KIFAP3: variants seen among roughly 807,000 people sequenced by gnomAD.
KIFAP3 encodes kinesin associated protein 3, also known as kinesin-associated protein 3.
KIFAP3 carries 68 observed loss-of-function variants against 106.5 expected under a neutral mutation model. The observed-to-expected ratio is 0.64, with a 90% CI of 0.53 to 0.78. KIFAP3 has a LOEUF of 0.78. Among genes scored for constraint, KIFAP3 ranks in the 30% least tolerant of loss-of-function variants. The pLI, the probability that KIFAP3 is intolerant of heterozygous loss-of-function variation, is 0.00. For missense variants in KIFAP3, 780 were observed against 941.8 expected, an observed-to-expected ratio of 0.83 and a Z score of 2.25; for synonymous variants, 320 against 311.5, an observed-to-expected ratio of 1.03 and a Z score of -0.29.
chr1:169,935,609 AAG>A (rs1663747738), intron 19 of KIFAP3, among the ~76,000 whole-genome samples: 1 of 152,036 alleles, frequency 6.6e-6, no homozygotes, highest in Admixed American at 6.6e-5. Context: ...GTTCCTGTTT[AAG>A]TGTATTCAAA....
chr1:169,988,805 G>A (rs1277254505), intron 11 of KIFAP3, among the ~76,000 whole-genome samples: 1 of 151,924 alleles, frequency 6.6e-6, no homozygotes, highest in African/African-American at 2.4e-5. Context: ...TAAGTTAAAA[G>A]TTATAGGCTG....
intron 16 of KIFAP3, among the ~76,000 whole-genome samples, chr1:169,976,446 G>A (rs1666224797): frequency 6.6e-6 from 1 of 151,182 alleles, no homozygotes; most frequent in Admixed American, 6.6e-5. Flanking sequence ...TTTTCATTAA[G>A]CAGCTGTTAA....
chr1:169,982,061 A>T lies in KIFAP3; in HGVS notation c.1709T>A (p.Ile570Lys). 1.9e-6 allele frequency: 3 copies of T among 1,613,628 alleles called. No individual in the cohort carries two copies. The highest frequency in any genetic ancestry group is 2.5e-6 in the Non-Finnish European group (3 of 1,179,622). The change falls in exon 15 of 20, where the codon ATA (isoleucine) becomes AAA (lysine). Residue 570 changes from isoleucine (I) to lysine (K), a missense_variant. This residue lies in a region of KIFAP3 where 588 missense variants were observed against 678.9 expected (regional missense o/e 0.87). Transcript: ENST00000361580. ...ATCCATGGATACAGTTCCAATCATT[A>T]TAACCACTTCTAAAACAAGATCATC... ...AEDDLVLEVV[I>K]MIGTVSMDDS...
chr1:170,016,624 C>G lies in KIFAP3; in HGVS notation c.1021G>C (p.Val341Leu), dbSNP rs750236927. The G allele has an allele frequency of 1.9e-6, 3 of 1,561,214 alleles. No individual in the cohort carries two copies. In the South Asian group the frequency reaches 3.7e-5, roughly 19 times the overall value. ...SIFMENKNDM[V>L]EMDIVEKLVK... ...AGTTTTTCAACAATATCCATTTCCA[C>G]CTAAGTAAAATAATAATACAAATAC... is the stretch of plus-strand genomic sequence containing the variant. Residue 341 changes from valine (V) to leucine (L), a missense_variant and splice_region_variant, in exon 10 of 20, where the codon GTG (valine) becomes CTG (leucine). This residue lies in a region of KIFAP3 where 588 missense variants were observed against 678.9 expected (regional missense o/e 0.87). Transcript: ENST00000361580.
intron 19 of KIFAP3, among the ~76,000 whole-genome samples, chr1:169,945,053 C>A (rs574202523): frequency 5.9e-5 from 9 of 152,114 alleles, no homozygotes; most frequent in Non-Finnish European, 1.2e-4. Flanking sequence ...GGTGCCCAGG[C>A]AGCCCATACT....
At chr1:169,971,985 C>A (rs1422671214) in intron 17 of KIFAP3, among the ~76,000 whole-genome samples, 2 of 151,956 alleles carry the variant, frequency 1.3e-5, no homozygotes, top group East Asian at 3.9e-4. Flanking sequence ...ACACTTAGAT[C>A]ATCTCTTTGA....
intron 17 of KIFAP3, among the ~76,000 whole-genome samples, chr1:169,969,671 G>A (rs1342024563): frequency 1.3e-5 from 2 of 151,960 alleles, no homozygotes; most frequent in African/African-American, 4.8e-5. Flanking sequence ...TGGCTAGAAA[G>A]ATGACAGAAA....
chr1:169,982,165 A>G, intron 14 of KIFAP3, 68 bp from the exon 15 acceptor site: 1 of 1,457,756 alleles, frequency 6.9e-7, no homozygotes, highest in Non-Finnish European at 9.5e-7. Context: ...AGAGTATCAA[A>G]ATGTAAATAC....
chr1:170,009,411 TTTA>T (rs144950904), intron 10 of KIFAP3, among the ~76,000 whole-genome samples: 11 of 151,584 alleles, frequency 7.3e-5, no homozygotes, highest in African/African-American at 1.7e-4. Flanking sequence ...AAATGCCACT[TTTA>T]TTATTATTAT....
At chr1:169,978,208 TAAAG>T (rs759942930) in intron 15 of KIFAP3, 25 bp from the exon 16 acceptor site, 8 of 1,406,476 alleles carry the variant, frequency 5.7e-6, no homozygotes, top group Non-Finnish European at 8.1e-6. Context: ...AAAATTCAAA[TAAAG>T]AATACTATGT....
At chr1:169,982,607 A>G (rs638486) in intron 14 of KIFAP3, 95 bp downstream of exon 14, 747,482 of 811,146 alleles carry the variant, frequency 0.92, 344,753 homozygotes, top group East Asian at 1. Context: ...TTTTCCTAAC[A>G]TAATAATAGT....
Position 170,045,100 on chromosome 1 carries a change from C to T in KIFAP3, c.319+1612G>A, listed in dbSNP as rs185637087. The stretch of plus-strand genomic sequence containing the variant: ...ACAATTGGAGATGCTAGCTACTTTA[C>T]CAAGGCTTTGACTGGATTGGCATAT... On this transcript the variant is annotated intron_variant, in intron 3 of 19. Coordinates refer to ENST00000361580, the MANE Select transcript of KIFAP3 (RefSeq NM_014970.4). Among the ~76,000 whole-genome samples, 719 of 152,270 alleles carry T rather than the reference C, an allele frequency of 4.7e-3. 2 individuals are homozygous for T. The highest frequency in any genetic ancestry group is 7.9e-3 in the Non-Finnish European group (537 of 68,024).
At chr1:170,017,323 C>A in intron 9 of KIFAP3, among the ~76,000 whole-genome samples, 1 of 136,890 alleles carries the variant, frequency 7.3e-6, no homozygotes. Flanking sequence ...GTGATAAAAA[C>A]TGAATGAATA....
At chr1:169,943,353 CATAA>C (rs1213084039) in intron 19 of KIFAP3, among the ~76,000 whole-genome samples, 4 of 152,058 alleles carry the variant, frequency 2.6e-5, no homozygotes, top group African/African-American at 4.8e-5. Flanking sequence ...AACAACTGTT[CATAA>C]ATAGTTAAAT....
intron 19 of KIFAP3, among the ~76,000 whole-genome samples, chr1:169,941,918 T>C (rs1377021896): frequency 6.6e-6 from 1 of 152,236 alleles, no homozygotes; most frequent in Non-Finnish European, 1.5e-5. Flanking sequence ...CATATTAATG[T>C]ATAAAATTCA....
At chr1:170,060,377 A>G (rs901779040) in intron 1 of KIFAP3, among the ~76,000 whole-genome samples, 7 of 152,244 alleles carry the variant, frequency 4.6e-5, no homozygotes, top group Non-Finnish European at 1.0e-4. Flanking sequence ...ACAGACAAAC[A>G]GAGAGCCAAA....
chr1:170,038,099 T>C (rs922844863), intron 5 of KIFAP3, among the ~76,000 whole-genome samples, 191 bp downstream of exon 5: 5 of 152,220 alleles, frequency 3.3e-5, no homozygotes, highest in Non-Finnish European at 5.9e-5. Flanking sequence ...GTACCATTAA[T>C]GCTTAATTTT....
In KIFAP3 at chr1:170,035,545, G is replaced by C. The variant is rs1256196393; in HGVS notation, c.526C>G (p.Leu176Val). 4.4e-6 allele frequency: 7 copies of C among 1,599,742 alleles called. No individual in the cohort carries two copies. In the African/African-American group the frequency reaches 5.4e-5, roughly 12 times the overall value. ...LEELLLNETA[L>V]GALARVLRED... is the part of the protein sequence containing the mutation. ...CTCAGGACCCTTGCTAATGCACCAA[G>C]GGCAGTTTCTAAAGAAAAAGGAGAG... Residue 176 changes from leucine to valine, a missense_variant, in exon 6 of 20, where the codon CTT becomes GTT. Coordinates refer to ENST00000361580, the MANE Select transcript of KIFAP3 (RefSeq NM_014970.4).
chr1:170,040,086 G>C (rs1669894696), intron 3 of KIFAP3, among the ~76,000 whole-genome samples: 1 of 152,022 alleles, frequency 6.6e-6, no homozygotes, highest in Admixed American at 6.6e-5. Flanking sequence ...ATTATTTTCA[G>C]AGGACAGCAC....
Sources: allele counts gnomAD v4.1 joint callset (sites outside exome capture counted in the v4.1 genomes callset), GRCh38; gene constraint gnomAD v4.1.1; regional missense constraint gnomAD v4.1.1; transcripts MANE v1.5; gene names NCBI Gene and HGNC (gene_info 2026-07-23, HGNC 2026-07-21).